ATAD5: variants seen among roughly 807,000 people sequenced by gnomAD.
ATAD5 encodes ATPase family AAA domain-containing protein 5.
ATAD5 carries 58 observed loss-of-function variants against 176.9 expected under a neutral mutation model. That is an observed-to-expected ratio of 0.33 (90% CI 0.27 to 0.41). The LOEUF is 0.41. ATAD5 is among the 10% of genes least tolerant of loss of function. ATAD5 has a pLI of 1.00. For missense variants in ATAD5, 1,789 were observed against 2,094.1 expected (o/e 0.85, Z 2.84); for synonymous variants, 640 against 712.6 (o/e 0.90, Z 1.62).
chr17:30,850,833 T>A (rs9893712), intron 6 of ATAD5, among the ~76,000 whole-genome samples: 1,604 of 27,334 alleles, frequency 0.059, 124 homozygotes, highest in African/African-American at 0.098. Flanking sequence ...TTATATATTT[T>A]TATATATATA....
intron 20 of ATAD5, 46 bp from the exon 21 acceptor site, chr17:30,893,248 A>G: frequency 6.6e-7 from 1 of 1,515,880 alleles, no homozygotes; most frequent in South Asian, 1.4e-5. Context: ...AAAGTATTCA[A>G]ACTATGTACT....
At chr17:30,840,109 A>C (rs1456141865) in intron 3 of ATAD5, among the ~76,000 whole-genome samples, 2 of 151,232 alleles carry the variant, frequency 1.3e-5, no homozygotes, top group Admixed American at 1.3e-4. Flanking sequence ...GAGGCAGGAG[A>C]ATCACTTGAA....
rs377208979 is a variant in ATAD5, at chr17:30,851,311, A to G, written c.2451-3832A>G. On this transcript the variant is annotated intron_variant, in intron 6 of 22. Coordinates refer to ENST00000321990, the MANE Select transcript of ATAD5 (RefSeq NM_024857.5). ...GCAGATCAAGACCATCCTGGCTAAC[A>G]TGGTGAAACCCCATCTCTACTAAAA... Among the ~76,000 whole-genome samples, 23 of 149,926 alleles carry G rather than the reference A, an allele frequency of 1.5e-4. No homozygotes were observed. The East Asian group carries it at 3.5e-3, about 23-fold the overall frequency.
At chr17:30,866,419 C>G (rs1907987962) in intron 11 of ATAD5, among the ~76,000 whole-genome samples, 1 of 149,994 alleles carries the variant, frequency 6.7e-6, no homozygotes, top group African/African-American at 2.4e-5. Context: ...TGGTCTCAAA[C>G]TCCTGACCTC....
At chr17:30,888,427 C>T (rs1274277253) in intron 19 of ATAD5, among the ~76,000 whole-genome samples, 2 of 151,888 alleles carry the variant, frequency 1.3e-5, no homozygotes, top group Non-Finnish European at 2.9e-5. Context: ...GTCTGTGGTC[C>T]TAGCTACTTG....
At chr17:30,868,219 C>T (rs747393128) in intron 11 of ATAD5, 114 bp from the exon 12 acceptor site, 294 of 760,594 alleles carry the variant, frequency 3.9e-4, no homozygotes, top group Non-Finnish European at 5.2e-4. Flanking sequence ...GTTGAATGGC[C>T]AGTGGCAGAG....
At position 30,835,230 on chromosome 17, in the gene ATAD5, G is replaced by C; in HGVS notation, c.1149G>C (p.Leu383Phe). 1 of 1,613,968 alleles carries C rather than the reference G, an allele frequency of 6.2e-7. No individual in the cohort carries two copies. The highest frequency in any genetic ancestry group is 8.5e-7 in the Non-Finnish European group (1 of 1,179,982). ...IQEEELELAV[L>F]EAGSSEAVKP... Reference sequence around the variant, plus strand: ...AGGAAGAATTAGAATTGGCTGTTTTGGAAGCTGGAAGTTCTGAAGCTGTGA... The same window carrying C: ...AGGAAGAATTAGAATTGGCTGTTTTCGAAGCTGGAAGTTCTGAAGCTGTGA... Residue 383 changes from leucine (L) to phenylalanine (F), a missense_variant, in exon 2 of 23, where the codon TTG becomes TTC. By Grantham distance (22) the Leu-to-Phe change is conservative. Around this residue, in one of 6 missense-constraint regions of ATAD5, gnomAD observed 696 missense variants for 712.5 expected, o/e 0.98. Coordinates refer to ENST00000321990, the MANE Select transcript of ATAD5 (RefSeq NM_024857.5).
At chr17:30,859,723 TTG>T (rs1199053928) in intron 9 of ATAD5, among the ~76,000 whole-genome samples, 26 of 144,284 alleles carry the variant, frequency 1.8e-4, no homozygotes, top group South Asian at 4.9e-4. Context: ...TACAGTTTGT[TTG>T]TTTGTTTATT....
rs941422231 is a variant in ATAD5, at chr17:30,835,734, G to A, written c.1653G>A (p.Lys551=). ...YEDIANDDLL[K]VSSLCNNNKL... ...ATATAGCAAATGATGACCTTCTAAA[G>A]GTTTCCTCTCTGTGTAACAATAATA... Residue 551 remains lysine, a synonymous_variant, in exon 2 of 23, where the codon AAG becomes AAA. Transcript: ENST00000321990. 3 of 1,612,844 alleles carry A rather than the reference G, an allele frequency of 1.9e-6. No homozygotes were observed. The highest frequency in any genetic ancestry group is 1.7e-6 in the Non-Finnish European group (2 of 1,179,692).
chr17:30,890,700 C>A (rs1050590713), intron 19 of ATAD5, among the ~76,000 whole-genome samples: 4 of 151,868 alleles, frequency 2.6e-5, no homozygotes, highest in African/African-American at 4.8e-5. Context: ...GGATTACAGG[C>A]ATGAGCCACA....
In ATAD5 at chr17:30,860,429, G is replaced by A; in HGVS notation, c.2957-4G>A. On this transcript the variant is annotated splice_region_variant and splice_polypyrimidine_tract_variant and intron_variant, in intron 9 of 22. Coordinates refer to ENST00000321990, the MANE Select transcript of ATAD5 (RefSeq NM_024857.5). ...CACATGCACTTCTTTAATTCCCAAA[G>A]CAGAACTGGAGGCTGATGTCAGCCA... 1 of 1,582,268 alleles carries A rather than the reference G, an allele frequency of 6.3e-7. No individual in the cohort carries two copies. The highest frequency in any genetic ancestry group is 8.5e-7 in the Non-Finnish European group (1 of 1,172,524).
chr17:30,833,581 T>A (rs1051541403), intron 1 of ATAD5, among the ~76,000 whole-genome samples: 1 of 152,242 alleles, frequency 6.6e-6, no homozygotes, highest in Non-Finnish European at 1.5e-5. Flanking sequence ...AGCCAGCATT[T>A]AACTTAGATT....
intron 19 of ATAD5, among the ~76,000 whole-genome samples, chr17:30,889,158 TTTTC>T (rs1288873813): frequency 1.4e-4 from 21 of 147,006 alleles, no homozygotes; most frequent in Middle Eastern, 3.5e-3. Flanking sequence ...AAAGTTTTTC[TTTTC>T]TTTCTTTTTT....
At chr17:30,845,789 G>C (rs942445118) in intron 6 of ATAD5, among the ~76,000 whole-genome samples, 1 of 152,124 alleles carries the variant, frequency 6.6e-6, no homozygotes, top group East Asian at 1.9e-4. Flanking sequence ...TGAGATGATG[G>C]AGGTAAGGAC....
chr17:30,848,644 T>C (rs1331581004), intron 6 of ATAD5, among the ~76,000 whole-genome samples: 1 of 152,230 alleles, frequency 6.6e-6, no homozygotes, highest in East Asian at 1.9e-4. Flanking sequence ...TACCAAGTTA[T>C]TTCCATTGCC....
chr17:30,884,053 CCT>C (rs1233450820), intron 18 of ATAD5, among the ~76,000 whole-genome samples: 1 of 152,058 alleles, frequency 6.6e-6, no homozygotes, highest in Non-Finnish European at 1.5e-5. Flanking sequence ...AATGAAACTC[CCT>C]GTTTCCTCCT....
In ATAD5 at chr17:30,893,173, A is replaced by G. The variant is rs80330169; in HGVS notation, c.4441-121A>G. On this transcript the variant is annotated intron_variant, in intron 20 of 22. Coordinates refer to ENST00000321990, the MANE Select transcript of ATAD5 (RefSeq NM_024857.5). ...ATATTAAATATAGATAAATAAAATT[A>G]TGAGGGGTAGTGACTCAGTACTTTG... The G allele has an allele frequency of 4.2e-3, 4,250 of 1,001,388 alleles. 135 individuals are homozygous for G. The African/African-American group carries it at 0.062, about 15-fold the overall frequency. 62.0% of individuals were successfully genotyped at this position (1,001,388 alleles called of 1,614,324 possible). A position where few individuals can be genotyped will look rare whatever the true frequency, so the allele number is the denominator to read the frequency against.
chr17:30,844,848 C>A lies in ATAD5; in HGVS notation c.2382C>A (p.Val794=). 6.3e-7 allele frequency: 1 copy of A among 1,594,904 alleles called. No homozygotes were observed. The highest frequency in any genetic ancestry group is 1.2e-5 in the South Asian group (1 of 86,746). Reference sequence around the variant, plus strand: ...TATTTTTCTAAGGAAAAATGAAAGTCGCTCCTTTATTTCTTGTCAGAAAAG... The same window carrying A: ...TATTTTTCTAAGGAAAAATGAAAGTAGCTCCTTTATTTCTTGTCAGAAAAG... ...STKNVPGKMK[V]APLFLVRKAQ... is the part of the protein sequence containing the mutation. The change falls in exon 6 of 23, where the codon GTC becomes GTA. Residue 794 remains valine (V), a synonymous_variant. Coordinates refer to ENST00000321990, the MANE Select transcript of ATAD5 (RefSeq NM_024857.5).
rs371061724 is a variant in ATAD5, at chr17:30,892,596, T to G, written c.4259-11T>G. 2.0e-6 allele frequency: 3 copies of G among 1,533,232 alleles called. No homozygotes were observed. The highest frequency in any genetic ancestry group is 2.6e-6 in the Non-Finnish European group (3 of 1,145,346). The allele number at this position is 1,533,232 out of a possible 1,614,324, so 95.0% of individuals were successfully genotyped here. ...ACATATATAGAGCTAAGATTTTCTT[T>G]TATTTTGTAGGTGGAAATAGCAGAA... On this transcript the variant is annotated splice_polypyrimidine_tract_variant and intron_variant, in intron 19 of 22. Coordinates refer to ENST00000321990, the MANE Select transcript of ATAD5 (RefSeq NM_024857.5).
Sources: gnomAD v4.1 joint callset for allele counts (sites outside exome capture counted in the v4.1 genomes callset) on GRCh38, gnomAD v4.1.1 for gene constraint, gnomAD v4.1.1 regional missense constraint, MANE v1.5 for transcripts, NCBI Gene and HGNC (gene_info 2026-07-23, HGNC 2026-07-21) for gene names.